The following CCDC7 variants were observed in gnomAD, a reference collection of about 807,000 sequenced individuals.
CCDC7 encodes the protein coiled-coil domain-containing protein 7.
A neutral mutation model predicts 196.9 loss-of-function variants in CCDC7; 183 were observed. The ratio of observed to expected loss-of-function variants is 0.93; its 90% CI spans 0.82 to 1.05. CCDC7 has a LOEUF of 1.05. CCDC7 is among the 50% of genes least tolerant of loss of function. The pLI, the probability that CCDC7 is intolerant of heterozygous loss-of-function variation, is 0.00. For synonymous variants in CCDC7, 525 were observed against 484.6 expected (o/e 1.08, Z -1.10); for missense variants, 1,540 against 1,482.2 (o/e 1.04, Z -0.64).
At chr10:32,482,503 T>A (rs2040167157) in intron 8 of CCDC7, among the ~76,000 whole-genome samples, 1 of 140,000 alleles carries the variant, frequency 7.1e-6, no homozygotes, top group South Asian at 2.2e-4. Context: ...TCAGAATTTC[T>A]TTTTTTTATT....
intron 20 of CCDC7, among the ~76,000 whole-genome samples, chr10:32,648,036 T>G (rs1214422405): frequency 6.6e-6 from 1 of 152,260 alleles, no homozygotes; most frequent in Non-Finnish European, 1.5e-5. Context: ...AACTTCAATA[T>G]TCTGCATAAG....
chr10:32,712,301 C>A (rs1043028869), intron 25 of CCDC7, among the ~76,000 whole-genome samples: 2 of 152,102 alleles, frequency 1.3e-5, no homozygotes, highest in Non-Finnish European at 2.9e-5. Flanking sequence ...TTTTACTTTT[C>A]GAGTCAGAGC....
At chr10:32,710,526 A>G (rs1233031584) in intron 24 of CCDC7, among the ~76,000 whole-genome samples, 1 of 152,222 alleles carries the variant, frequency 6.6e-6, no homozygotes, top group Non-Finnish European at 1.5e-5. Flanking sequence ...CCTAAAGAGG[A>G]GGACCACTGG....
chr10:32,715,309 G>A lies in CCDC7; in HGVS notation c.2569+3579G>A, dbSNP rs1049336717. Among the ~76,000 whole-genome samples, 20 of 152,134 alleles carry A rather than the reference G, an allele frequency of 1.3e-4. No individual in the cohort carries two copies. The East Asian group carries it at 1.3e-3, about 10-fold the overall frequency. ...CCAGCAGACCTGCAGAAGAGGGGCC[G>A]GACTGTTAGAAGGAAAACTAACAAA... On this transcript the variant is annotated intron_variant, in intron 25 of 41. Coordinates refer to ENST00000639629, the Ensembl canonical transcript of CCDC7.
chr10:32,709,717 G>A (rs1319255893), intron 24 of CCDC7, among the ~76,000 whole-genome samples: 1 of 152,144 alleles, frequency 6.6e-6, no homozygotes, highest in Non-Finnish European at 1.5e-5. Context: ...ACCAGTACTG[G>A]TCATGGCCTC....
At chr10:32,665,425 C>T (rs1025688077) in intron 21 of CCDC7, among the ~76,000 whole-genome samples, 6 of 151,940 alleles carry the variant, frequency 3.9e-5, no homozygotes, top group African/African-American at 1.2e-4. Context: ...TTTCTTCTAG[C>T]AATTCTAGTT....
At chr10:32,710,329 G>A (rs764605825) in intron 24 of CCDC7, among the ~76,000 whole-genome samples, 30 of 152,164 alleles carry the variant, frequency 2.0e-4, no homozygotes, top group Admixed American at 3.9e-4. Flanking sequence ...GTCTGTCATT[G>A]CCTGGTACCT....
At chr10:32,827,021 C>T (rs542790157) in intron 32 of CCDC7, among the ~76,000 whole-genome samples, 22 of 152,218 alleles carry the variant, frequency 1.4e-4, no homozygotes, top group Non-Finnish European at 2.8e-4. Flanking sequence ...TGGTCAAAAA[C>T]TGTGAAGATA....
chr10:32,734,189 C>T (rs1363609050), intron 28 of CCDC7, among the ~76,000 whole-genome samples: 1 of 152,168 alleles, frequency 6.6e-6, no homozygotes, highest in African/African-American at 2.4e-5. Flanking sequence ...AAATGCCCAT[C>T]AATGACAAAT....
chr10:32,727,537 G>T lies in CCDC7; in HGVS notation c.2668+705G>T, dbSNP rs940457267. On this transcript the variant is annotated intron_variant, in intron 26 of 41. Transcript: ENST00000639629. ...CTTCATTAATCATAGGGTCTTCAAT[G>T]TGCTGACCCTAGTAGGGCCCATCAA... is the stretch of plus-strand genomic sequence containing the variant. Among the ~76,000 whole-genome samples, 4 of 152,062 alleles carry T rather than the reference G, an allele frequency of 2.6e-5. No homozygotes were observed. The South Asian group carries it at 8.3e-4, about 32-fold the overall frequency.
intron 32 of CCDC7, among the ~76,000 whole-genome samples, chr10:32,832,666 T>C (rs1327749574): frequency 6.6e-6 from 1 of 152,112 alleles, no homozygotes; most frequent in East Asian, 1.9e-4. Flanking sequence ...GGCCGTGTTA[T>C]TAAAAAAAAC....
chr10:32,460,679 AT>A (rs2035438616), intron 3 of CCDC7, among the ~76,000 whole-genome samples: 1 of 152,144 alleles, frequency 6.6e-6, no homozygotes, highest in Non-Finnish European at 1.5e-5. Context: ...ACAGACATTA[AT>A]TTGCTTTGGT....
At chr10:32,631,592 A>G (rs1381292614) in intron 18 of CCDC7, among the ~76,000 whole-genome samples, 2 of 152,084 alleles carry the variant, frequency 1.3e-5, no homozygotes, top group Non-Finnish European at 2.9e-5. Flanking sequence ...CAGGCCTCCA[A>G]ATAGTTTTTT....
chr10:32,772,981 C>T (rs1171606836), intron 28 of CCDC7, among the ~76,000 whole-genome samples: 1 of 152,174 alleles, frequency 6.6e-6, no homozygotes, highest in Non-Finnish European at 1.5e-5. Context: ...AAAAAAAGTT[C>T]ACAGTGTCAA....
chr10:32,583,418 G>T, intron 17 of CCDC7, 111 bp downstream of exon 18: 1 of 747,188 alleles, frequency 1.3e-6, no homozygotes, highest in Non-Finnish European at 1.8e-6. Flanking sequence ...TATTTCAAGA[G>T]AATTAAAAGT....
At chr10:32,746,567 A>G (rs990519591) in intron 28 of CCDC7, among the ~76,000 whole-genome samples, 1 of 152,164 alleles carries the variant, frequency 6.6e-6, no homozygotes, top group Non-Finnish European at 1.5e-5. Flanking sequence ...TGTCAGTGAC[A>G]TCGGGCCAAT....
chr10:32,596,355 A>G (rs1394317880), intron 18 of CCDC7, among the ~76,000 whole-genome samples: 1 of 150,368 alleles, frequency 6.7e-6, no homozygotes, highest in Non-Finnish European at 1.5e-5. Context: ...TAGGATTGCA[A>G]CCCTTACCTT....
chr10:32,663,254 A>C (rs1204825739), intron 20 of CCDC7, among the ~76,000 whole-genome samples: 1 of 152,160 alleles, frequency 6.6e-6, no homozygotes, highest in Non-Finnish European at 1.5e-5. Flanking sequence ...TATGATCATG[A>C]GGACTCTACA....
chr10:32,797,198 TATATACACAC>T (rs1472209716), intron 29 of CCDC7, among the ~76,000 whole-genome samples: 2 of 148,650 alleles, frequency 1.3e-5, no homozygotes, highest in South Asian at 2.1e-4. Flanking sequence ...TATACGTATA[TATATACACAC>T]ATATACACAC....
Sources: allele counts gnomAD v4.1 joint callset (sites outside exome capture counted in the v4.1 genomes callset), GRCh38; gene constraint gnomAD v4.1.1; transcripts MANE v1.5; gene names NCBI Gene and HGNC (gene_info 2026-07-23, HGNC 2026-07-21).